Variants in CDH20 observed in about 807,000 individuals in gnomAD.
The protein encoded by CDH20 is cadherin 20.
In CDH20, 29 loss-of-function variants were observed where a neutral mutation model predicts 74.2. That is an observed-to-expected ratio of 0.39 (90% CI 0.29 to 0.53). The LOEUF (loss-of-function observed/expected upper bound fraction) is 0.53. CDH20 is among the 20% of genes least tolerant of loss of function. The probability of loss-of-function intolerance (pLI) is 0.69; values close to 1 mark genes in which losing one functional copy is unlikely to be tolerated. For synonymous variants in CDH20, 469 were observed against 405.4 expected, an observed-to-expected ratio of 1.16 and a Z score of -1.88; for missense variants, 988 against 1,048.3, an observed-to-expected ratio of 0.94 and a Z score of 0.79.
intron 1 of CDH20, among the ~76,000 whole-genome samples, chr18:61,365,792 C>T (rs1481195198): frequency 6.6e-6 from 1 of 152,142 alleles, no homozygotes; most frequent in Admixed American, 6.6e-5. Flanking sequence ...TTGTAAGCTA[C>T]TGAAGTACTA....
intron 1 of CDH20, among the ~76,000 whole-genome samples, chr18:61,433,336 A>G (rs1908720710): frequency 6.6e-6 from 1 of 152,166 alleles, no homozygotes; most frequent in African/African-American, 2.4e-5. Flanking sequence ...ACTGTTTGTG[A>G]TTAAATCTAG....
chr18:61,483,548 C>T (rs1910661079), intron 1 of CDH20, among the ~76,000 whole-genome samples: 1 of 152,312 alleles, frequency 6.6e-6, no homozygotes, highest in African/African-American at 2.4e-5. Context: ...GCTTCTGTTG[C>T]TGCTGCTGCT....
Position 61,539,057 on chromosome 18 carries a change from C to A in CDH20, c.1442C>A (p.Thr481Lys), listed in dbSNP as rs1232164858. Residue 481 changes from threonine to lysine, a missense_variant, in exon 9 of 12, where the codon ACA becomes AAA. Around this residue, in one of 2 missense-constraint regions of CDH20, gnomAD observed 613 missense variants for 755.2 expected, o/e 0.81. Coordinates refer to ENST00000262717, the MANE Select transcript of CDH20 (RefSeq NM_031891.4). ...NPSQVGSVPV[T>K]IKVLDVNDNA... is the part of the protein sequence containing the mutation. ...TCCCAGGTTGGAAGTGTTCCTGTCA[C>A]AATCAAAGTCTTAGATGTGAATGAC... 1 of 1,613,988 alleles carries A rather than the reference C, an allele frequency of 6.2e-7. No homozygotes were observed. Among genetic ancestry groups the A allele is most frequent in the Non-Finnish European group, 8.5e-7 (1 of 1,179,914 alleles).
chr18:61,507,372 G>C lies in CDH20; in HGVS notation c.830-1G>C, dbSNP rs768533502. 1 of 1,611,906 alleles carries C rather than the reference G, an allele frequency of 6.2e-7. No homozygotes were observed. The highest frequency in any genetic ancestry group is 8.5e-7 in the Non-Finnish European group (1 of 1,179,354). The stretch of plus-strand genomic sequence containing the variant: ...ATGCGTGTCCTGGCTTTTCTTCGTA[G>C]AACATTACCAGATGAGTGTGTTGGA... On this transcript the variant is annotated splice_acceptor_variant, in intron 5 of 11. Transcript: ENST00000262717. LOFTEE classifies it high-confidence loss of function.
chr18:61,347,319 TACAC>T (rs33985303), intron 1 of CDH20, among the ~76,000 whole-genome samples: 5,624 of 75,812 alleles, frequency 0.074, 171 homozygotes, highest in Non-Finnish European at 0.093. Flanking sequence ...TATATATATA[TACAC>T]ACACACACAC....
chr18:61,407,554 T>C lies in CDH20; in HGVS notation c.-153+73727T>C, dbSNP rs143019984. On this transcript the variant is annotated intron_variant, in intron 1 of 11. Transcript: ENST00000262717. ...AAATTACGCAGGATCTTAGAAGAGT[T>C]TGCCATTTACCCTCAGAGAAATGGA... is the stretch of plus-strand genomic sequence containing the variant. Among the ~76,000 whole-genome samples the C allele has an allele frequency of 9.2e-5, 14 of 152,312 alleles. No individual in the cohort carries two copies. The East Asian group carries it at 2.7e-3, about 29-fold the overall frequency.
chr18:61,395,242 C>T (rs753009069), intron 1 of CDH20, among the ~76,000 whole-genome samples: 6 of 152,174 alleles, frequency 3.9e-5, no homozygotes, highest in Non-Finnish European at 8.8e-5. Flanking sequence ...ACAGACTTGA[C>T]ACTCACTAGC....
At chr18:61,524,912 C>T (rs956864180) in intron 6 of CDH20, among the ~76,000 whole-genome samples, 4 of 151,138 alleles carry the variant, frequency 2.6e-5, no homozygotes, top group African/African-American at 7.3e-5. Context: ...CAGAGTGAGA[C>T]GCTGTCTAAA....
intron 7 of CDH20, among the ~76,000 whole-genome samples, chr18:61,532,559 C>T (rs200497815): frequency 4.0e-4 from 45 of 113,798 alleles, no homozygotes; most frequent in Admixed American, 2.0e-3. Flanking sequence ...TATATATACA[C>T]ACACACACAC....
chr18:61,499,039 A>G (rs1187467805), intron 2 of CDH20, 147 bp from the exon 3 acceptor site: 1 of 612,104 alleles, frequency 1.6e-6, no homozygotes, highest in Admixed American at 3.1e-5. Context: ...TCCAATGCAT[A>G]CTAGTTCTTT....
In CDH20 at chr18:61,396,053, T is replaced by TGTGTGTGTGTGTGTGTGTGTG. The variant is rs1568123818; in HGVS notation, c.-153+62226_-153+62227insGTGTGTGTGTGTGTGTGTGTG. ...GTGCACTCACAGAGTGTGTGTGTGT[T>TGTGTGTGTGTGTGTGTGTGTG]TGTGTGTGTGTGTGTGTGTTCATGC... On this transcript the variant is annotated intron_variant, in intron 1 of 11. Coordinates refer to ENST00000262717, the MANE Select transcript of CDH20 (RefSeq NM_031891.4). Among the ~76,000 whole-genome samples, 558 of 142,802 alleles carry TGTGTGTGTGTGTGTGTGTGTG rather than the reference T, an allele frequency of 3.9e-3. 5 individuals carry two copies. The highest frequency in any genetic ancestry group is 6.3e-3 in the African/African-American group (256 of 40,364). The allele number at this position is 142,802 out of a possible 152,430, so 93.7% of individuals were successfully genotyped here. A position where few individuals can be genotyped will look rare whatever the true frequency, so the allele number is the denominator to read the frequency against.
intron 1 of CDH20, among the ~76,000 whole-genome samples, chr18:61,430,096 C>A (rs1175854984): frequency 6.6e-6 from 1 of 151,614 alleles, no homozygotes; most frequent in African/African-American, 2.4e-5. Context: ...TGTCCCCTTA[C>A]TCCTAGGCAT....
intron 1 of CDH20, among the ~76,000 whole-genome samples, chr18:61,469,022 G>A (rs929905525): frequency 3.3e-5 from 5 of 152,002 alleles, no homozygotes; most frequent in Admixed American, 2.6e-4. Flanking sequence ...ACACAAATGT[G>A]GTCATTACCT....
intron 1 of CDH20, among the ~76,000 whole-genome samples, chr18:61,380,761 A>G (rs1459522266): frequency 1.3e-5 from 2 of 152,222 alleles, no homozygotes; most frequent in Non-Finnish European, 2.9e-5. Context: ...GTGAGCCGAG[A>G]TCGTGCCACT....
At position 61,503,027 on chromosome 18, in the gene CDH20, G is replaced by A; in HGVS notation, c.736G>A (p.Asp246Asn). ...CTACGAAGTGATTATCCAAGCCAAG[G>A]ACATGGGAGGGCAGCTTGGAGGATT... is the stretch of plus-strand genomic sequence containing the variant. ...EYYEVIIQAKDMGGQLGGLAG... is the reference protein window; with the variant it reads ...EYYEVIIQAKNMGGQLGGLAG... The change falls in exon 5 of 12, where the codon GAC (aspartate) becomes AAC (asparagine). Residue 246 changes from aspartate (D) to asparagine (N), a missense_variant. By Grantham distance (23) the Asp-to-Asn change is conservative (BLOSUM62 1). Transcript: ENST00000262717. 6.2e-7 allele frequency: 1 copy of A among 1,613,854 alleles called. No homozygotes were observed. Among genetic ancestry groups the A allele is most frequent in the Middle Eastern group, 1.7e-4 (1 of 6,058 alleles).
intron 1 of CDH20, among the ~76,000 whole-genome samples, chr18:61,343,816 G>C (rs1158319880): frequency 1.3e-5 from 2 of 152,200 alleles, no homozygotes; most frequent in African/African-American, 4.8e-5. Context: ...GCCTGGACCA[G>C]GGTCAATGAG....
At chr18:61,513,803 T>C (rs892081146) in intron 6 of CDH20, among the ~76,000 whole-genome samples, 3 of 152,202 alleles carry the variant, frequency 2.0e-5, no homozygotes, top group African/African-American at 4.8e-5. Flanking sequence ...AAAATTTTTT[T>C]CTTTAAGAAT....
intron 1 of CDH20, among the ~76,000 whole-genome samples, chr18:61,469,229 C>T (rs1023614251): frequency 7.9e-5 from 12 of 152,088 alleles, no homozygotes; most frequent in Admixed American, 6.6e-4. Flanking sequence ...AAAACCATTG[C>T]TCTGGCTGGT....
At chr18:61,528,482 C>CACACA (rs1912529802) in intron 7 of CDH20, among the ~76,000 whole-genome samples, 2 of 150,220 alleles carry the variant, frequency 1.3e-5, no homozygotes, top group African/African-American at 4.9e-5. Flanking sequence ...CACACACACA[C>CACACA]CCCTTAGTTC....
Sources: allele counts gnomAD v4.1 joint callset (sites outside exome capture counted in the v4.1 genomes callset), GRCh38; gene constraint gnomAD v4.1.1; regional missense constraint gnomAD v4.1.1; transcripts MANE v1.5; gene names NCBI Gene and HGNC (gene_info 2026-07-23, HGNC 2026-07-21).